The following NREP variants were observed in gnomAD, a reference collection of about 807,000 sequenced individuals.
The protein encoded by NREP is neuronal regeneration related protein, also known as neuronal regeneration-related protein.
In NREP, 5 loss-of-function variants were observed where a neutral mutation model predicts 8.6. The observed-to-expected ratio is 0.58, with a 90% CI of 0.30 to 1.22. NREP has a LOEUF of 1.22. Among genes scored for constraint, NREP ranks in the 50% most tolerant of loss-of-function variants. The pLI is 0.07. For synonymous variants in NREP, 27 were observed against 28.0 expected (o/e 0.96, Z 0.11); for missense variants, 86 against 82.5 (o/e 1.04, Z -0.17).
At chr5:111,792,643 G>C (rs1042924036) in intron 2 of NREP, among the ~76,000 whole-genome samples, 3 of 151,992 alleles carry the variant, frequency 2.0e-5, no homozygotes, top group Admixed American at 6.6e-5. Context: ...CTTTCAAAAA[G>C]AAAAATGGCT....
chr5:111,939,022 C>T (rs1240764087), intron 2 of NREP, among the ~76,000 whole-genome samples: 2 of 152,054 alleles, frequency 1.3e-5, no homozygotes, highest in African/African-American at 4.8e-5. Flanking sequence ...TAGTATCTTA[C>T]TCATAATCTA....
intron 2 of NREP, chr5:111,974,507 G>A: frequency 6.6e-6 from 1 of 152,148 alleles, no homozygotes; most frequent in Admixed American, 6.6e-5. Flanking sequence ...AATAGAAAAG[G>A]TATTCAACAT....
At chr5:111,810,024 C>T (rs916727000) in intron 2 of NREP, among the ~76,000 whole-genome samples, 3 of 151,222 alleles carry the variant, frequency 2.0e-5, no homozygotes, top group Admixed American at 1.3e-4. Context: ...GATCCAGGAA[C>T]CAATCAGACT....
intron 2 of NREP, among the ~76,000 whole-genome samples, chr5:111,802,986 TA>T (rs1340469532): frequency 2.6e-5 from 4 of 152,052 alleles, no homozygotes; most frequent in Admixed American, 1.3e-4. Context: ...TGCAAATAAC[TA>T]AGGAATGATG....
intron 2 of NREP, among the ~76,000 whole-genome samples, chr5:111,928,112 C>T (rs933425233): frequency 5.3e-5 from 8 of 152,110 alleles, no homozygotes; most frequent in African/African-American, 1.4e-4. Context: ...ACCTGCTCCC[C>T]GCCACCCTGA....
At chr5:111,825,642 A>C (rs1752605364) in intron 2 of NREP, among the ~76,000 whole-genome samples, 1 of 152,158 alleles carries the variant, frequency 6.6e-6, no homozygotes, top group South Asian at 2.1e-4. Context: ...GTCAGGAAGG[A>C]TGTAGGTAGG....
At chr5:111,877,672 C>T (rs143773109) in intron 2 of NREP, among the ~76,000 whole-genome samples, 4 of 152,204 alleles carry the variant, frequency 2.6e-5, no homozygotes, top group Admixed American at 2.0e-4. Flanking sequence ...ACAATTTGAA[C>T]ACTGTTTGGA....
intron 2 of NREP, among the ~76,000 whole-genome samples, chr5:111,826,363 A>G (rs1192767596): frequency 6.6e-6 from 1 of 152,310 alleles, no homozygotes; most frequent in Admixed American, 6.5e-5. Context: ...CTCCTTCAGC[A>G]CTGTGGAAGT....
At chr5:111,851,940 A>G (rs1212179338) in intron 2 of NREP, among the ~76,000 whole-genome samples, 1 of 152,180 alleles carries the variant, frequency 6.6e-6, no homozygotes, top group Non-Finnish European at 1.5e-5. Context: ...GTCCTGTAAG[A>G]CATGAATACT....
chr5:111,833,697 C>T lies in NREP; in HGVS notation c.136-98190G>A, dbSNP rs148046910. On this transcript the variant is annotated intron_variant, in intron 2 of 3. Coordinates refer to the NREP transcript ENST00000395634. ...CTTAATTAAATGCTATCTAAGACTA[C>T]TTGAACAGATTTGGTCCCAGCCTCT... Among the ~76,000 whole-genome samples, 1,261 of 152,286 alleles carry T rather than the reference C, an allele frequency of 8.3e-3. 8 individuals are homozygous for T. Among genetic ancestry groups the T allele is most frequent in the Middle Eastern group, 0.054 (16 of 294 alleles).
chr5:111,958,858 G>A (rs1213934341), intron 2 of NREP, among the ~76,000 whole-genome samples: 1 of 151,930 alleles, frequency 6.6e-6, no homozygotes, highest in African/African-American at 2.4e-5. Context: ...TTAGAAGTTT[G>A]TGCTACCACA....
intron 1 of NREP, chr5:111,756,299 A>T: frequency 1.1e-6 from 1 of 895,254 alleles, no homozygotes; most frequent in Non-Finnish European, 1.3e-6. Context: ...CCGTGTTTAA[A>T]AAAAAAAAAA....
intron 2 of NREP, among the ~76,000 whole-genome samples, chr5:111,817,662 G>A (rs1009507737): frequency 4.0e-5 from 6 of 151,664 alleles, no homozygotes; most frequent in South Asian, 2.1e-4. Flanking sequence ...AAAATTAGCC[G>A]GGCGTAGTGG....
chr5:111,863,946 T>C (rs1330235132), intron 2 of NREP, among the ~76,000 whole-genome samples: 1 of 152,138 alleles, frequency 6.6e-6, no homozygotes, highest in Non-Finnish European at 1.5e-5. Context: ...TCTTAATGTC[T>C]GGGCTCAGAG....
At chr5:111,859,036 G>T (rs1449942208) in intron 2 of NREP, among the ~76,000 whole-genome samples, 1 of 152,086 alleles carries the variant, frequency 6.6e-6, no homozygotes, top group East Asian at 1.9e-4. Flanking sequence ...CCACAGCACT[G>T]CACAGGGGTA....
intron 2 of NREP, among the ~76,000 whole-genome samples, chr5:111,934,028 T>C (rs564337773): frequency 3.3e-5 from 5 of 152,188 alleles, no homozygotes; most frequent in South Asian, 2.1e-4. Flanking sequence ...CATTTTCCTT[T>C]TGGGGACAGA....
At chr5:111,927,093 A>T (rs964310961) in intron 2 of NREP, among the ~76,000 whole-genome samples, 1 of 152,068 alleles carries the variant, frequency 6.6e-6, no homozygotes, top group African/African-American at 2.4e-5. Context: ...AGTATTCTGA[A>T]TTGGGCCCTA....
intron 2 of NREP, among the ~76,000 whole-genome samples, chr5:111,966,447 T>C (rs898447754): frequency 2.0e-5 from 3 of 152,306 alleles, no homozygotes; most frequent in African/African-American, 4.8e-5. Context: ...TTTTAAAATG[T>C]AGAATTGAGA....
intron 2 of NREP, among the ~76,000 whole-genome samples, chr5:111,967,485 C>T: frequency 6.6e-6 from 1 of 152,230 alleles, no homozygotes; most frequent in Non-Finnish European, 1.5e-5. Context: ...CACAGCAAAG[C>T]TAAAGTCCTC....
Sources: allele counts gnomAD v4.1 joint callset (sites outside exome capture counted in the v4.1 genomes callset), GRCh38; gene constraint gnomAD v4.1.1; transcripts MANE v1.5; gene names NCBI Gene and HGNC (gene_info 2026-07-23, HGNC 2026-07-21).